Variants in RAB19 observed in about 807,000 individuals in gnomAD.
RAB19 encodes RAB19, member RAS oncogene family.
A neutral mutation model predicts 17.3 loss-of-function variants in RAB19; 21 were observed. The ratio of observed to expected loss-of-function variants is 1.21; its 90% CI spans 0.86 to 1.74. The LOEUF is 1.74. Ranked by LOEUF, RAB19 falls within the 40% of genes most tolerant of loss-of-function variation. The pLI is 0.00. For missense variants in RAB19, 277 were observed against 286.8 expected (o/e 0.97, Z 0.25); for synonymous variants, 126 against 110.4 (o/e 1.14, Z -0.88).
intron 3 of RAB19, among the ~76,000 whole-genome samples, chr7:140,421,448 C>T (rs1264571986): frequency 6.6e-6 from 1 of 152,118 alleles, no homozygotes; most frequent in African/African-American, 2.4e-5. Context: ...GCAACCTCCA[C>T]CTCCTAGGTT....
At position 140,405,319 on chromosome 7, in the gene RAB19, C is replaced by T. The variant is rs113743117; in HGVS notation, c.-24+1102C>T. 1.4e-3 allele frequency among the ~76,000 whole-genome samples: 216 copies of T among 152,254 alleles called. 1 individual carries two copies. Among genetic ancestry groups the T allele is most frequent in the Non-Finnish European group, 1.9e-3 (132 of 68,004 alleles). Reference sequence around the variant, plus strand: ...CACTGCAACCTCTGCCCTCTGGGTTCAAGCCATTCTCCTGCCTTAGCCTCC... The same window carrying T: ...CACTGCAACCTCTGCCCTCTGGGTTTAAGCCATTCTCCTGCCTTAGCCTCC... On this transcript the variant is annotated intron_variant, in intron 1 of 3. Coordinates refer to ENST00000537763, the MANE Select transcript of RAB19 (RefSeq NM_001008749.3).
At chr7:140,420,711 C>G (rs1473265198) in intron 3 of RAB19, among the ~76,000 whole-genome samples, 1 of 152,074 alleles carries the variant, frequency 6.6e-6, no homozygotes, top group Non-Finnish European at 1.5e-5. Context: ...GGGCGCTGCA[C>G]TAGGGTCCTG....
At chr7:140,408,951 G>A (rs1799299677) in intron 2 of RAB19, among the ~76,000 whole-genome samples, 2 of 152,130 alleles carry the variant, frequency 1.3e-5, no homozygotes, top group African/African-American at 4.8e-5. Flanking sequence ...GTAGAGACAG[G>A]ATTTTCCTGT....
chr7:140,409,191 C>T (rs1307718523), intron 2 of RAB19, among the ~76,000 whole-genome samples: 1 of 151,752 alleles, frequency 6.6e-6, no homozygotes, highest in African/African-American at 2.4e-5. Context: ...TGGTGAAACC[C>T]TGTCTCTACT....
At chr7:140,420,200 C>T (rs1301663199) in intron 3 of RAB19, among the ~76,000 whole-genome samples, 1 of 152,026 alleles carries the variant, frequency 6.6e-6, no homozygotes, top group Non-Finnish European at 1.5e-5. Flanking sequence ...GCAGGTGGAT[C>T]ACCTGAGGTC....
intron 3 of RAB19, among the ~76,000 whole-genome samples, chr7:140,418,649 G>A (rs970091908): frequency 2.0e-5 from 3 of 151,402 alleles, no homozygotes; most frequent in African/African-American, 7.3e-5. Context: ...GATTTGGGAG[G>A]CAGAGGTCGG....
At chr7:140,408,441 T>G (rs980589061) in intron 2 of RAB19, among the ~76,000 whole-genome samples, 1 of 151,266 alleles carries the variant, frequency 6.6e-6, no homozygotes, top group African/African-American at 2.4e-5. Context: ...TTTGCTTTTT[T>G]GGGGGGGTGG....
At chr7:140,420,749 G>A (rs537569662) in intron 3 of RAB19, among the ~76,000 whole-genome samples, 278 of 152,156 alleles carry the variant, frequency 1.8e-3, no homozygotes, top group Middle Eastern at 6.8e-3. Context: ...TGCATTCTGG[G>A]CACTAGGTTC....
intron 3 of RAB19, among the ~76,000 whole-genome samples, chr7:140,423,554 G>A (rs571339646): frequency 6.6e-6 from 1 of 152,250 alleles, no homozygotes; most frequent in East Asian, 1.9e-4. Context: ...CAACTTGAAT[G>A]GATCTCAGAG....
At position 140,425,580 on chromosome 7, in the gene RAB19, C is replaced by T. The variant is rs112727882; in HGVS notation, c.386-302C>T. 3.2e-3 allele frequency among the ~76,000 whole-genome samples: 481 copies of T among 151,956 alleles called. 3 individuals are homozygous for T. The highest frequency in any genetic ancestry group is 0.011 in the African/African-American group (452 of 41,450). ...TCTCTACTAAAAATACAAAACTAGC[C>T]GGGCGTGGTGGCAGGTGCCTGTAAT... On this transcript the variant is annotated intron_variant, in intron 3 of 3. Transcript: ENST00000537763.
intron 1 of RAB19, chr7:140,404,463 A>G (rs1439762129): frequency 1.3e-5 from 2 of 152,228 alleles, no homozygotes; most frequent in Non-Finnish European, 2.9e-5. Context: ...GTCAGACAGG[A>G]AAAAAGTGGT....
intron 2 of RAB19, among the ~76,000 whole-genome samples, chr7:140,410,039 A>T (rs1563069779): frequency 1.3e-5 from 2 of 151,034 alleles, no homozygotes; most frequent in African/African-American, 2.4e-5. Flanking sequence ...TTAAAAAATT[A>T]AAAAATACTT....
rs570628599 is a variant in RAB19, at chr7:140,425,923, G to C, written c.427G>C (p.Glu143Gln). The change falls in exon 4 of 4, where the codon GAG becomes CAG. Residue 143 changes from glutamate (E) to glutamine (Q), a missense_variant. Physicochemically the swap from Glu to Gln is conservative, Grantham distance 29. Transcript: ENST00000537763. ...CTGGGAAAAGCGGCACGTCCTGTTC[G>C]AGGATGCCTGCACACTGGCTGAGAA... ...DLWEKRHVLFEDACTLAEKYG... is the reference protein window; with the variant it reads ...DLWEKRHVLFQDACTLAEKYG... 6.2e-7 allele frequency: 1 copy of C among 1,614,110 alleles called. No homozygotes were observed.
chr7:140,427,471 G>C lies in RAB19; in HGVS notation c.*1321G>C, dbSNP rs1799691333. On this transcript the variant is annotated 3_prime_UTR_variant, in exon 4 of 4. Coordinates refer to ENST00000537763, the MANE Select transcript of RAB19 (RefSeq NM_001008749.3). ...CCGGCCCTTTTTTTTTTTTTTTTGA[G>C]ACAGAGTTTCGCTCTTGTTGCCCAG... Among the ~76,000 whole-genome samples, 2 of 110,548 alleles carry C rather than the reference G, an allele frequency of 1.8e-5. No individual in the cohort carries two copies. Among genetic ancestry groups the C allele is most frequent in the Admixed American group, 2.1e-4 (2 of 9,504 alleles). 72.5% of individuals were successfully genotyped at this position (110,548 alleles called of 152,430 possible). A position where few individuals can be genotyped will look rare whatever the true frequency, so the allele number is the denominator to read the frequency against.
chr7:140,411,461 G>A (rs368694751), intron 2 of RAB19, among the ~76,000 whole-genome samples: 1 of 151,392 alleles, frequency 6.6e-6, no homozygotes, highest in Non-Finnish European at 1.5e-5. Context: ...CAAGCTTCTG[G>A]TTTCCCTGGG....
chr7:140,424,518 T>A (rs554147028), intron 3 of RAB19, among the ~76,000 whole-genome samples: 2 of 151,628 alleles, frequency 1.3e-5, no homozygotes, highest in Non-Finnish European at 2.9e-5. Flanking sequence ...CTGGTATTGA[T>A]AATGTGCTAT....
chr7:140,425,965 G>T lies in RAB19; in HGVS notation c.469G>T (p.Val157Phe), dbSNP rs568276754. 3 of 1,614,056 alleles carry T rather than the reference G, an allele frequency of 1.9e-6. No individual in the cohort carries two copies. Among genetic ancestry groups the T allele is most frequent in the Non-Finnish European group, 1.7e-6 (2 of 1,180,048 alleles). ...GGCTGAGAAGTACGGCCTCCTGGCC[G>T]TTTTGGAGACATCTGCCAAGGAGTC... ...TLAEKYGLLA[V>F]LETSAKESKN... Residue 157 changes from valine (V) to phenylalanine (F), a missense_variant, in exon 4 of 4, where the codon GTT becomes TTT. Coordinates refer to ENST00000537763, the MANE Select transcript of RAB19 (RefSeq NM_001008749.3).
At position 140,426,318 on chromosome 7, in the gene RAB19, C is replaced by CA; in HGVS notation, c.*169dup. The CA allele has an allele frequency of 1.4e-6, 1 of 716,394 alleles. No homozygotes were observed. The highest frequency in any genetic ancestry group is 2.2e-6 in the Non-Finnish European group (1 of 446,630). The allele number at this position is 716,394 out of a possible 1,614,324, so 44.4% of individuals were successfully genotyped here. ...GCCACACTTCTCCCTTGACTCACAC[C>CA]ACAGGTCATAGCTGCTGACTCTCAG... On this transcript the variant is annotated 3_prime_UTR_variant, in exon 4 of 4. Transcript: ENST00000537763.
Position 140,412,227 on chromosome 7 carries a change from G to A in RAB19, c.385+170G>A, listed in dbSNP as rs954684565. ...AGCACTTTGGGAGGCTGGGGCGGGC[G>A]GATCACGAGGTCAGGAGATCCAGAC... On this transcript the variant is annotated intron_variant, in intron 3 of 3. Transcript: ENST00000537763. 9.2e-5 allele frequency among the ~76,000 whole-genome samples: 14 copies of A among 152,116 alleles called. No individual in the cohort carries two copies. In the East Asian group the frequency reaches 1.5e-3, roughly 17 times the overall value.
Sources: allele counts gnomAD v4.1 joint callset (sites outside exome capture counted in the v4.1 genomes callset), GRCh38; gene constraint gnomAD v4.1.1; transcripts MANE v1.5; gene names NCBI Gene and HGNC (gene_info 2026-07-23, HGNC 2026-07-21).